PRELID2: variants seen among roughly 807,000 people sequenced by gnomAD.
The protein encoded by PRELID2 is PRELI domain containing 2.
PRELID2 carries 25 observed loss-of-function variants against 28.4 expected under a neutral mutation model. The observed-to-expected ratio is 0.88, with a 90% CI of 0.64 to 1.23. PRELID2 has a LOEUF of 1.23. Ranked by LOEUF, PRELID2 falls within the 50% of genes most tolerant of loss-of-function variation. PRELID2 has a pLI of 0.00. For missense variants in PRELID2, 201 were observed against 214.4 expected, an observed-to-expected ratio of 0.94 and a Z score of 0.39; for synonymous variants, 76 against 71.6, an observed-to-expected ratio of 1.06 and a Z score of -0.31.
chr5:145,826,779 T>C (rs939511716), intron 1 of PRELID2, among the ~76,000 whole-genome samples: 6 of 151,992 alleles, frequency 3.9e-5, no homozygotes, highest in Admixed American at 3.9e-4. Context: ...ACTGAATCCA[T>C]CTAATTACAG....
Position 145,835,170 on chromosome 5 carries a change from G to T in PRELID2, c.75+7C>A, listed in dbSNP as rs1755856861. 14 of 1,544,480 alleles carry T rather than the reference G, an allele frequency of 9.1e-6. No individual in the cohort carries two copies. Among genetic ancestry groups the T allele is most frequent in the African/African-American group, 1.4e-5 (1 of 72,770 alleles). ...GCGGGATACGGAAGGTGGAAGCGGGGCGGTACCTTTCGGAGAAAGCTGGCG... is the reference window on the plus strand; with the variant it reads ...GCGGGATACGGAAGGTGGAAGCGGGTCGGTACCTTTCGGAGAAAGCTGGCG... On this transcript the variant is annotated splice_region_variant and intron_variant, in intron 1 of 6. Coordinates refer to ENST00000683046, the MANE Select transcript of PRELID2 (RefSeq NM_205846.3).
chr5:145,355,117 A>AT, the PRELID2 span, among the ~76,000 whole-genome samples: 2 of 152,154 alleles, frequency 1.3e-5, no homozygotes, highest in African/African-American at 4.8e-5. Flanking sequence ...TAGTTGCAGT[A>AT]TTGTGTTGTA....
chr5:145,326,250 C>G, the PRELID2 span, among the ~76,000 whole-genome samples: 1 of 152,106 alleles, frequency 6.6e-6, no homozygotes, highest in Non-Finnish European at 1.5e-5. Context: ...AAGTGATGTT[C>G]ACACCTCAGC....
chr5:145,567,004 T>C (rs566657549), intron 1 of PRELID2, among the ~76,000 whole-genome samples: 89 of 152,306 alleles, frequency 5.8e-4, no homozygotes, highest in African/African-American at 2.0e-3. Flanking sequence ...TTCTAATAAA[T>C]AAAAGAATTT....
chr5:145,475,546 T>C (rs1017594127), intron 1 of PRELID2, among the ~76,000 whole-genome samples: 7 of 152,112 alleles, frequency 4.6e-5, no homozygotes, highest in Admixed American at 3.9e-4. Context: ...TACCAACCAT[T>C]TTTGCAAGGA....
the PRELID2 span, among the ~76,000 whole-genome samples, chr5:145,242,098 ATAT>A: frequency 6.6e-6 from 1 of 152,026 alleles, no homozygotes; most frequent in Non-Finnish European, 1.5e-5. Flanking sequence ...TTTGCAAAAA[ATAT>A]TATTTGTTAC....
the PRELID2 span, among the ~76,000 whole-genome samples, chr5:145,276,632 C>T: frequency 5.9e-5 from 9 of 152,222 alleles, no homozygotes; most frequent in South Asian, 1.9e-3. Flanking sequence ...CTTATTCTTA[C>T]TTGTTTATAA....
chr5:145,544,833 G>A (rs1008749305), intron 1 of PRELID2, among the ~76,000 whole-genome samples: 27 of 152,194 alleles, frequency 1.8e-4, no homozygotes, highest in African/African-American at 6.5e-4. Flanking sequence ...AATTTGGAGG[G>A]ATCATTAGTG....
the PRELID2 span, among the ~76,000 whole-genome samples, chr5:145,257,630 A>G: frequency 6.6e-6 from 1 of 152,186 alleles, no homozygotes; most frequent in African/African-American, 2.4e-5. Flanking sequence ...GTTTGAGAGT[A>G]AAAGAAGATA....
intron 1 of PRELID2, among the ~76,000 whole-genome samples, chr5:145,624,553 G>A (rs1666466566): frequency 6.6e-6 from 1 of 151,954 alleles, no homozygotes; most frequent in Admixed American, 6.6e-5. Context: ...GGGAAAAACT[G>A]AAACTATGTA....
intron 1 of PRELID2, among the ~76,000 whole-genome samples, chr5:145,709,368 G>A (rs747016837): frequency 2.0e-5 from 3 of 152,190 alleles, no homozygotes; most frequent in Admixed American, 6.5e-5. Flanking sequence ...CCAAGGAATA[G>A]TTTTCTACTT....
the PRELID2 span, among the ~76,000 whole-genome samples, chr5:145,461,687 T>C: frequency 6.6e-6 from 1 of 152,242 alleles, no homozygotes; most frequent in Non-Finnish European, 1.5e-5. Flanking sequence ...GTATGTTTAA[T>C]TATTGTTATT....
the PRELID2 span, among the ~76,000 whole-genome samples, chr5:145,384,823 G>T: frequency 6.6e-6 from 1 of 152,134 alleles, no homozygotes; most frequent in Admixed American, 6.6e-5. Flanking sequence ...AGGCTCTCAC[G>T]AGAAGTCACT....
At chr5:145,576,297 C>T (rs958523798) in intron 1 of PRELID2, among the ~76,000 whole-genome samples, 2 of 152,232 alleles carry the variant, frequency 1.3e-5, no homozygotes, top group Middle Eastern at 3.4e-3. Flanking sequence ...CTAGTCCCTG[C>T]TAACCACTAA....
At chr5:145,822,182 C>T (rs1754876273) in intron 2 of PRELID2, among the ~76,000 whole-genome samples, 1 of 152,164 alleles carries the variant, frequency 6.6e-6, no homozygotes, top group South Asian at 2.1e-4. Context: ...AAGCTTTGTA[C>T]ATTGACTATG....
At chr5:145,523,510 G>A (rs1455415317) in intron 1 of PRELID2, among the ~76,000 whole-genome samples, 1 of 152,112 alleles carries the variant, frequency 6.6e-6, no homozygotes, top group Admixed American at 6.5e-5. Flanking sequence ...TCCTTCTGAA[G>A]TTTGGGAAGA....
At chr5:145,654,731 T>C (rs1246972479) in intron 1 of PRELID2, among the ~76,000 whole-genome samples, 11 of 152,114 alleles carry the variant, frequency 7.2e-5, no homozygotes, top group Non-Finnish European at 1.5e-5. Context: ...ATAAATTAGG[T>C]ATTGATGGGA....
chr5:145,523,204 T>C (rs1752578401), intron 1 of PRELID2, among the ~76,000 whole-genome samples: 1 of 152,172 alleles, frequency 6.6e-6, no homozygotes, highest in African/African-American at 2.4e-5. Context: ...AGAAACATGA[T>C]GTCAAAGGCA....
chr5:145,419,801 T>G, the PRELID2 span, among the ~76,000 whole-genome samples: 1 of 152,116 alleles, frequency 6.6e-6, no homozygotes, highest in South Asian at 2.1e-4. Context: ...ATGAAGTCCT[T>G]GCCCATGCCT....
Sources: gnomAD v4.1 joint callset for allele counts (sites outside exome capture counted in the v4.1 genomes callset) on GRCh38, gnomAD v4.1.1 for gene constraint, MANE v1.5 for transcripts, NCBI Gene and HGNC (gene_info 2026-07-23, HGNC 2026-07-21) for gene names.